The following MAGI2 variants were observed in gnomAD, a reference collection of about 807,000 sequenced individuals.
The protein encoded by MAGI2 is membrane-associated guanylate kinase, WW and PDZ domain-containing protein 2.
MAGI2 carries 35 observed loss-of-function variants against 133.3 expected under a neutral mutation model. The ratio of observed to expected loss-of-function variants is 0.26; its 90% CI spans 0.20 to 0.35. The LOEUF (loss-of-function observed/expected upper bound fraction) is 0.35. MAGI2 is among the 10% of genes least tolerant of loss of function. MAGI2 has a pLI of 1.00. For missense variants in MAGI2, 1,636 were observed against 1,863.4 expected, an observed-to-expected ratio of 0.88 and a Z score of 2.25; for synonymous variants, 729 against 710.6, an observed-to-expected ratio of 1.03 and a Z score of -0.41.
chr7:78,537,701 TTGC>T (rs1798072733), intron 3 of MAGI2, among the ~76,000 whole-genome samples: 1 of 152,182 alleles, frequency 6.6e-6, no homozygotes, highest in African/African-American at 2.4e-5. Flanking sequence ...TGTTTTTTTC[TTGC>T]TGATTTTTTC....
At chr7:79,262,406 A>T (rs118032927) in intron 1 of MAGI2, among the ~76,000 whole-genome samples, 13 of 152,246 alleles carry the variant, frequency 8.5e-5, no homozygotes. Flanking sequence ...TAAAATATAC[A>T]TAACTAAAAA....
chr7:78,167,794 G>T lies in MAGI2; in HGVS notation c.2596+122C>A, dbSNP rs566696591. 3.8e-3 allele frequency: 3,381 copies of T among 885,024 alleles called. 14 individuals are homozygous for T. Among genetic ancestry groups the T allele is most frequent in the Non-Finnish European group, 5.1e-3 (2,989 of 581,836 alleles). 54.8% of individuals were successfully genotyped at this position (885,024 alleles called of 1,614,324 possible). ...TCATTACTTTTGGAATATCTAGGTT[G>T]TTTCCTTCCTCATATAATGTAGAAA... On this transcript the variant is annotated intron_variant, in intron 15 of 21. Coordinates refer to ENST00000354212, the MANE Select transcript of MAGI2 (RefSeq NM_012301.4).
chr7:78,728,545 T>TATATCTGAAAAAA (rs1483845832), intron 2 of MAGI2, among the ~76,000 whole-genome samples: 1 of 3,674 alleles, frequency 2.7e-4, no homozygotes, highest in Non-Finnish European at 6.0e-4. Flanking sequence ...CTGATCTTTT[T>TATATCTGAAAAAA]TTTTTTTTTT....
At chr7:78,955,647 C>T (rs1283796319) in intron 2 of MAGI2, among the ~76,000 whole-genome samples, 2 of 149,396 alleles carry the variant, frequency 1.3e-5, no homozygotes, top group South Asian at 4.4e-4. Flanking sequence ...CCTTTTCTCT[C>T]TCTCTCTCCC....
At chr7:78,676,044 C>T (rs1275873700) in intron 2 of MAGI2, among the ~76,000 whole-genome samples, 1 of 152,062 alleles carries the variant, frequency 6.6e-6, no homozygotes, top group Non-Finnish European at 1.5e-5. Context: ...CAGTGACTTG[C>T]TAGCTTTGGA....
At chr7:78,930,704 T>A (rs1426115697) in intron 2 of MAGI2, among the ~76,000 whole-genome samples, 1 of 152,106 alleles carries the variant, frequency 6.6e-6, no homozygotes, top group Non-Finnish European at 1.5e-5. Context: ...TCAAATGTCT[T>A]TCATGGGTTC....
intron 6 of MAGI2, among the ~76,000 whole-genome samples, chr7:78,460,353 G>A (rs920796801): frequency 6.6e-6 from 1 of 152,168 alleles, no homozygotes; most frequent in African/African-American, 2.4e-5. Context: ...TTAACTGCAT[G>A]GTTACTACAT....
At chr7:78,428,581 A>G (rs574928373) in intron 6 of MAGI2, among the ~76,000 whole-genome samples, 3 of 152,182 alleles carry the variant, frequency 2.0e-5, no homozygotes, top group Non-Finnish European at 4.4e-5. Context: ...AGAGTCCTCC[A>G]CATCCAGGTC....
At position 78,880,344 on chromosome 7, in the gene MAGI2, C is replaced by A. The variant is rs115619522; in HGVS notation, c.418+126746G>T. On this transcript the variant is annotated intron_variant, in intron 2 of 21. Coordinates refer to ENST00000354212, the MANE Select transcript of MAGI2 (RefSeq NM_012301.4). Reference sequence around the variant, plus strand: ...CTAGAGGAAAAGGTCAGATCTTGAACAAAGGGTACACCATCAGATTAATAA... The same window carrying A: ...CTAGAGGAAAAGGTCAGATCTTGAAAAAAGGGTACACCATCAGATTAATAA... Among the ~76,000 whole-genome samples, 324 of 152,244 alleles carry A rather than the reference C, an allele frequency of 2.1e-3. 3 individuals are homozygous for A. The highest frequency in any genetic ancestry group is 7.5e-3 in the African/African-American group (311 of 41,570).
Position 79,439,231 on chromosome 7 carries a change from C to T in MAGI2, c.301+13789G>A, listed in dbSNP as rs115615522. Among the ~76,000 whole-genome samples, 421 of 152,222 alleles carry T rather than the reference C, an allele frequency of 2.8e-3. 2 individuals are homozygous for T. Among genetic ancestry groups the T allele is most frequent in the African/African-American group, 9.8e-3 (409 of 41,558 alleles). ...GATCTCTTATTCTATGCAGCACTCC[C>T]CAGCTCCACTTGCTATCTTCCATCT... On this transcript the variant is annotated intron_variant, in intron 1 of 21. Coordinates refer to ENST00000354212, the MANE Select transcript of MAGI2 (RefSeq NM_012301.4).
At chr7:78,393,064 G>A (rs1583862732) in intron 6 of MAGI2, among the ~76,000 whole-genome samples, 1 of 152,276 alleles carries the variant, frequency 6.6e-6, no homozygotes, top group African/African-American at 2.4e-5. Flanking sequence ...GGAGGTGAAT[G>A]GGTTATTCAA....
At chr7:79,222,182 G>T (rs1410900067) in intron 1 of MAGI2, among the ~76,000 whole-genome samples, 1 of 151,830 alleles carries the variant, frequency 6.6e-6, no homozygotes, top group Non-Finnish European at 1.5e-5. Flanking sequence ...TAAACAGAAA[G>T]GTTCATAATA....
At chr7:78,709,625 A>C (rs1818978413) in intron 2 of MAGI2, among the ~76,000 whole-genome samples, 1 of 152,208 alleles carries the variant, frequency 6.6e-6, no homozygotes, top group African/African-American at 2.4e-5. Flanking sequence ...TACATTTACT[A>C]TCCCAGTCCT....
intron 2 of MAGI2, among the ~76,000 whole-genome samples, chr7:78,700,141 T>G (rs1199996883): frequency 6.6e-6 from 1 of 152,182 alleles, no homozygotes; most frequent in Non-Finnish European, 1.5e-5. Flanking sequence ...ACAGATTTAT[T>G]TTGCTATGTA....
At chr7:78,657,773 A>G (rs1366226282) in intron 2 of MAGI2, among the ~76,000 whole-genome samples, 1 of 152,196 alleles carries the variant, frequency 6.6e-6, no homozygotes, top group Non-Finnish European at 1.5e-5. Flanking sequence ...CATAGAATAT[A>G]CAACACCAAG....
chr7:78,677,521 T>C (rs1026910486), intron 2 of MAGI2, among the ~76,000 whole-genome samples: 12 of 151,950 alleles, frequency 7.9e-5, no homozygotes, highest in African/African-American at 2.4e-4. Flanking sequence ...TATGTGAAGA[T>C]TGGTCTTTCC....
At chr7:79,325,213 C>G (rs1298311166) in intron 1 of MAGI2, among the ~76,000 whole-genome samples, 1 of 152,108 alleles carries the variant, frequency 6.6e-6, no homozygotes, top group Non-Finnish European at 1.5e-5. Flanking sequence ...TAGACTTTAG[C>G]ATGCCACTGT....
intron 1 of MAGI2, among the ~76,000 whole-genome samples, chr7:79,176,095 T>C (rs1826068539): frequency 6.6e-6 from 1 of 152,026 alleles, no homozygotes; most frequent in Non-Finnish European, 1.5e-5. Context: ...CAAAGCTTGC[T>C]AAGTAAATGA....
chr7:78,085,550 C>CCACACA lies in MAGI2; in HGVS notation c.3568-6471_3568-6466dup, dbSNP rs10636313. 6.1e-3 allele frequency among the ~76,000 whole-genome samples: 737 copies of CCACACA among 121,036 alleles called. 7 individuals are homozygous for CCACACA. The highest frequency in any genetic ancestry group is 0.043 in the East Asian group (112 of 2,610). 79.4% of individuals were successfully genotyped at this position (121,036 alleles called of 152,430 possible). A position where few individuals can be genotyped will look rare whatever the true frequency, so the allele number is the denominator to read the frequency against. Reference sequence around the variant, plus strand: ...AAAACAAAACAAAATAATAAAACTCCCACACACACACACACACACACACAC... The same window carrying CCACACA: ...AAAACAAAACAAAATAATAAAACTCCCACACACACACACACACACACACACACACAC... On this transcript the variant is annotated intron_variant, in intron 20 of 21. Coordinates refer to ENST00000354212, the MANE Select transcript of MAGI2 (RefSeq NM_012301.4).
Sources: gnomAD v4.1 joint callset for allele counts (sites outside exome capture counted in the v4.1 genomes callset) on GRCh38, gnomAD v4.1.1 for gene constraint, MANE v1.5 for transcripts, NCBI Gene and HGNC (gene_info 2026-07-23, HGNC 2026-07-21) for gene names.